The following MBD5 variants were observed in gnomAD, a reference collection of about 807,000 sequenced individuals.
The protein encoded by MBD5 is methyl-CpG-binding domain protein 5.
A neutral mutation model predicts 117.3 loss-of-function variants in MBD5; 13 were observed. The observed-to-expected ratio is 0.11, with a 90% CI of 0.07 to 0.18. MBD5 has a LOEUF of 0.18. Among genes scored for constraint, MBD5 ranks in the 10% least tolerant of loss-of-function variants. The probability of loss-of-function intolerance (pLI) is 1.00; values close to 1 mark genes in which losing one functional copy is unlikely to be tolerated. For synonymous variants in MBD5, 727 were observed against 766.4 expected, an observed-to-expected ratio of 0.95 and a Z score of 0.85; for missense variants, 1,879 against 2,093.8, an observed-to-expected ratio of 0.90 and a Z score of 2.00.
chr2:148,145,365 T>G (rs2105578116), intron 1 of MBD5, among the ~76,000 whole-genome samples: 1 of 152,314 alleles, frequency 6.6e-6, no homozygotes, highest in East Asian at 1.9e-4. Context: ...CGATGGAGTT[T>G]TCTAAATATA....
intron 1 of MBD5, among the ~76,000 whole-genome samples, chr2:148,148,730 T>C (rs939438479): frequency 8.5e-5 from 13 of 152,160 alleles, no homozygotes; most frequent in African/African-American, 2.9e-4. Context: ...ATACATTGTC[T>C]ATAGATATGA....
chr2:148,338,848 A>G (rs2105119000), intron 3 of MBD5, among the ~76,000 whole-genome samples: 1 of 152,316 alleles, frequency 6.6e-6, no homozygotes, highest in Non-Finnish European at 1.5e-5. Flanking sequence ...CAGAAAACAA[A>G]CACAAACATA....
chr2:148,475,286 A>C (rs999402821), intron 8 of MBD5, among the ~76,000 whole-genome samples: 5 of 152,168 alleles, frequency 3.3e-5, no homozygotes, highest in African/African-American at 1.2e-4. Context: ...GGATTGTGTG[A>C]TTAAAAATCT....
chr2:148,483,379 C>A lies in MBD5; in HGVS notation c.2788C>A (p.Gln930Lys). ...SSLPISLPVN[Q>K]QHLLNQNLLN... is the part of the protein sequence containing the mutation. Reference sequence around the variant, plus strand: ...TCTACCTATCTCTTTGCCAGTGAATCAACAGCATCTCCTAAACCAGAATCT... The same window carrying A: ...TCTACCTATCTCTTTGCCAGTGAATAAACAGCATCTCCTAAACCAGAATCT... Residue 930 changes from glutamine (Q) to lysine (K), a missense_variant, in exon 9 of 14, where the codon CAA becomes AAA. Physicochemically the swap from Gln to Lys is moderately conservative, Grantham distance 53. Coordinates refer to ENST00000642680, the MANE Select transcript of MBD5 (RefSeq NM_001378120.1). 1.9e-6 allele frequency: 3 copies of A among 1,614,098 alleles called. No individual in the cohort carries two copies. Among genetic ancestry groups the A allele is most frequent in the Non-Finnish European group, 2.5e-6 (3 of 1,180,010 alleles).
chr2:148,296,327 T>G (rs1242758566), intron 3 of MBD5: 1 of 167,062 alleles, frequency 6.0e-6, no homozygotes, highest in Non-Finnish European at 1.3e-5. Flanking sequence ...ATTTTCTTTC[T>G]GTAACCTTGT....
intron 3 of MBD5, among the ~76,000 whole-genome samples, chr2:148,314,489 T>C (rs1369057106): frequency 6.7e-6 from 1 of 150,358 alleles, no homozygotes; most frequent in Admixed American, 6.7e-5. Flanking sequence ...GGGATTCTCC[T>C]ATCTCAGCCC....
rs1699270861 is a variant in MBD5, at chr2:148,205,984, TACAAAAA to T, written c.-831+27192_-831+27198del. 3.3e-5 allele frequency among the ~76,000 whole-genome samples: 5 copies of T among 151,876 alleles called. No homozygotes were observed. The South Asian group carries it at 1.0e-3, about 32-fold the overall frequency. On this transcript the variant is annotated intron_variant, in intron 2 of 13. Transcript: ENST00000642680. ...GGCGAAACCCCAGCTCTACAAAAAATACAAAAATTAGCTGGTGGACCCAGTGACTTGG... is the reference window on the plus strand; with the variant it reads ...GGCGAAACCCCAGCTCTACAAAAAATTTAGCTGGTGGACCCAGTGACTTGG...
At chr2:148,194,669 G>GAT (rs1698923392) in intron 2 of MBD5, among the ~76,000 whole-genome samples, 1 of 122,332 alleles carries the variant, frequency 8.2e-6, no homozygotes, top group East Asian at 2.6e-4. Context: ...TAGATGACAC[G>GAT]TTAGTGGGTG....
intron 12 of MBD5, among the ~76,000 whole-genome samples, chr2:148,507,831 T>A (rs1682087739): frequency 6.6e-6 from 1 of 151,978 alleles, no homozygotes; most frequent in South Asian, 2.1e-4. Flanking sequence ...TTTACTAAGA[T>A]TAAATGTGAG....
intron 4 of MBD5, among the ~76,000 whole-genome samples, chr2:148,385,955 T>C (rs1468169307): frequency 9.3e-6 from 1 of 107,372 alleles, no homozygotes; most frequent in Non-Finnish European, 1.8e-5. Context: ...CACTGGGGAC[T>C]GTTGTGGGGT....
chr2:148,126,405 CAAAAAA>C (rs11308422), intron 1 of MBD5, among the ~76,000 whole-genome samples: 2 of 92,540 alleles, frequency 2.2e-5, no homozygotes, highest in East Asian at 2.9e-4. Context: ...GACTCCATCT[CAAAAAA>C]AAAAAAAAAA....
At chr2:148,496,405 T>C (rs544450450) in intron 11 of MBD5, among the ~76,000 whole-genome samples, 1 of 152,356 alleles carries the variant, frequency 6.6e-6, no homozygotes, top group East Asian at 1.9e-4. Flanking sequence ...CTGTAAACTT[T>C]ACTATAGTGA....
At chr2:148,041,492 A>G (rs1358729991) in intron 1 of MBD5, 1 of 152,164 alleles carries the variant, frequency 6.6e-6, no homozygotes, top group Non-Finnish European at 1.5e-5. Flanking sequence ...GATTGTATAG[A>G]CACTCTTGTT....
chr2:148,056,564 G>A (rs1240675234), intron 1 of MBD5, among the ~76,000 whole-genome samples: 1 of 151,926 alleles, frequency 6.6e-6, no homozygotes, highest in Non-Finnish European at 1.5e-5. Context: ...GATGATAACT[G>A]TATAGTTTTT....
chr2:148,391,038 G>A (rs73015181), intron 4 of MBD5, among the ~76,000 whole-genome samples: 1 of 151,958 alleles, frequency 6.6e-6, no homozygotes, highest in African/African-American at 2.4e-5. Flanking sequence ...CCTTTAACAG[G>A]CATATTCACA....
chr2:148,189,440 C>T (rs1180032066), intron 2 of MBD5, among the ~76,000 whole-genome samples: 2 of 147,340 alleles, frequency 1.4e-5, no homozygotes, highest in Non-Finnish European at 3.0e-5. Flanking sequence ...TCAAGTGGGT[C>T]CCTGACCCGT....
intron 3 of MBD5, among the ~76,000 whole-genome samples, chr2:148,321,325 A>G (rs1311787098): frequency 1.3e-5 from 2 of 152,204 alleles, no homozygotes; most frequent in Non-Finnish European, 1.5e-5. Flanking sequence ...AAAAATTGCC[A>G]AAAAATCATA....
intron 1 of MBD5, among the ~76,000 whole-genome samples, chr2:148,132,185 A>G (rs907350364): frequency 1.3e-5 from 2 of 152,060 alleles, no homozygotes; most frequent in African/African-American, 2.4e-5. Context: ...TGTTTAATAA[A>G]TAGTCAAAAC....
chr2:148,367,870 C>G (rs950880464), intron 4 of MBD5, among the ~76,000 whole-genome samples: 2 of 152,086 alleles, frequency 1.3e-5, no homozygotes, highest in African/African-American at 4.8e-5. Flanking sequence ...CACTTTTACA[C>G]CATTGGTGGG....
Sources: allele counts gnomAD v4.1 joint callset (sites outside exome capture counted in the v4.1 genomes callset), GRCh38; gene constraint gnomAD v4.1.1; transcripts MANE v1.5; gene names NCBI Gene and HGNC (gene_info 2026-07-23, HGNC 2026-07-21).